SESN1: variants seen among roughly 807,000 people sequenced by gnomAD.
SESN1 encodes the protein sestrin-1.
SESN1 carries 30 observed loss-of-function variants against 59.3 expected under a neutral mutation model. That is an observed-to-expected ratio of 0.51 (90% CI 0.38 to 0.69). The LOEUF is 0.69. SESN1 is among the 30% of genes least tolerant of loss of function. SESN1 has a pLI of 0.00. For missense variants in SESN1, 566 were observed against 673.0 expected (o/e 0.84, Z 1.76); for synonymous variants, 197 against 219.9 (o/e 0.90, Z 0.92).
At chr6:109,085,693 G>A (rs543661777) in intron 1 of SESN1, among the ~76,000 whole-genome samples, 14 of 152,296 alleles carry the variant, frequency 9.2e-5, no homozygotes, top group Admixed American at 5.2e-4. Flanking sequence ...GAAACAATGT[G>A]TCAAAGTAAA....
At chr6:109,048,871 C>T (rs962919030) in intron 1 of SESN1, among the ~76,000 whole-genome samples, 11 of 152,194 alleles carry the variant, frequency 7.2e-5, no homozygotes, top group African/African-American at 2.7e-4. Context: ...TGTAATCCTA[C>T]TCCAATGTGT....
At chr6:109,016,000 A>C (rs1015490935) in intron 1 of SESN1, among the ~76,000 whole-genome samples, 1 of 152,226 alleles carries the variant, frequency 6.6e-6, no homozygotes, top group East Asian at 1.9e-4. Context: ...GCATAATATT[A>C]AAAATTATCC....
chr6:108,993,309 T>C (rs1427705923), intron 6 of SESN1, among the ~76,000 whole-genome samples: 3 of 152,214 alleles, frequency 2.0e-5, no homozygotes, highest in Non-Finnish European at 4.4e-5. Context: ...ATATAATATG[T>C]AACATGATCA....
chr6:108,992,953 GA>G, intron 6 of SESN1, 54 bp from the exon 7 acceptor site: 1 of 1,182,948 alleles, frequency 8.5e-7, no homozygotes, highest in East Asian at 2.4e-5. Flanking sequence ...AGTTAAAATT[GA>G]TTTTACCCAA....
intron 5 of SESN1, among the ~76,000 whole-genome samples, chr6:108,996,700 T>C (rs1345801668): frequency 2.0e-5 from 3 of 152,168 alleles, no homozygotes; most frequent in Admixed American, 2.0e-4. Flanking sequence ...AACTCTTTTT[T>C]CTTTCCCTTT....
intron 1 of SESN1, among the ~76,000 whole-genome samples, chr6:109,021,545 C>G (rs562505692): frequency 9.0e-4 from 137 of 152,062 alleles, no homozygotes; most frequent in African/African-American, 3.3e-3. Context: ...TCAAGCAATT[C>G]TCGTGCCTCA....
chr6:109,020,518 C>T (rs971512287), intron 1 of SESN1, among the ~76,000 whole-genome samples: 1 of 152,096 alleles, frequency 6.6e-6, no homozygotes, highest in South Asian at 2.1e-4. Flanking sequence ...ACAACCATAC[C>T]ACAAATACAA....
At chr6:108,997,577 C>G (rs547447513) in intron 5 of SESN1, among the ~76,000 whole-genome samples, 1 of 152,186 alleles carries the variant, frequency 6.6e-6, no homozygotes, top group African/African-American at 2.4e-5. Flanking sequence ...TGGCATTTTA[C>G]TTCTTTAGAG....
At chr6:108,991,128 T>C (rs1174168057) in intron 7 of SESN1, among the ~76,000 whole-genome samples, 1 of 152,128 alleles carries the variant, frequency 6.6e-6, no homozygotes, top group East Asian at 1.9e-4. Flanking sequence ...GGCCTTTATG[T>C]CTTTCACTCT....
At chr6:109,070,049 C>T (rs1199366754) in intron 1 of SESN1, among the ~76,000 whole-genome samples, 2 of 152,160 alleles carry the variant, frequency 1.3e-5, no homozygotes, top group Non-Finnish European at 2.9e-5. Flanking sequence ...TATCCATGCC[C>T]CACACAAGAA....
intron 1 of SESN1, among the ~76,000 whole-genome samples, chr6:109,058,153 C>A (rs1349873139): frequency 6.6e-6 from 1 of 151,954 alleles, no homozygotes; most frequent in African/African-American, 2.4e-5. Context: ...GGTACGATCA[C>A]GGCTCACCGC....
At chr6:109,021,006 T>C (rs1338678876) in intron 1 of SESN1, among the ~76,000 whole-genome samples, 5 of 152,152 alleles carry the variant, frequency 3.3e-5, no homozygotes, top group Non-Finnish European at 7.3e-5. Flanking sequence ...GACACTTTAT[T>C]TTCTTTTTTA....
intron 1 of SESN1, among the ~76,000 whole-genome samples, chr6:109,085,050 G>GT (rs57841808): frequency 0.15 from 22,489 of 147,342 alleles, 1,915 homozygotes; most frequent in Middle Eastern, 0.24. Context: ...ATCTTTTAAA[G>GT]TTTTTTTTTC....
At chr6:108,995,919 G>C (rs1779494584) in intron 5 of SESN1, among the ~76,000 whole-genome samples, 1 of 152,102 alleles carries the variant, frequency 6.6e-6, no homozygotes, top group Non-Finnish European at 1.5e-5. Flanking sequence ...TCCACCCATT[G>C]ATCCTTCAGG....
At chr6:108,991,421 T>C (rs1779382235) in intron 7 of SESN1, among the ~76,000 whole-genome samples, 1 of 152,162 alleles carries the variant, frequency 6.6e-6, no homozygotes, top group South Asian at 2.1e-4. Context: ...TTTAAAATTA[T>C]TTGTAGAGAT....
In SESN1 at chr6:109,001,385, T is replaced by G; in HGVS notation, c.449A>C (p.His150Pro). ...TAAGAAACTTTCTAAATATTGTGGG[T>G]GGAAAACCATCACTAACGTAATGTT... is the stretch of plus-strand genomic sequence containing the variant. ...LDNITLVMVF[H>P]PQYLESFLKT... is the part of the protein sequence containing the mutation. The change falls in exon 3 of 10, where the codon CAC becomes CCC. Residue 150 changes from histidine (H) to proline (P), a missense_variant. Transcript: ENST00000436639. The G allele has an allele frequency of 6.2e-7, 1 of 1,613,860 alleles. No homozygotes were observed. Among genetic ancestry groups the G allele is most frequent in the African/African-American group, 1.3e-5 (1 of 75,012 alleles).
chr6:109,011,522 T>C (rs180992442), intron 1 of SESN1, among the ~76,000 whole-genome samples: 4 of 152,192 alleles, frequency 2.6e-5, no homozygotes, highest in African/African-American at 9.6e-5. Context: ...TTCTCTGCTA[T>C]AGAGCACTAG....
intron 1 of SESN1, among the ~76,000 whole-genome samples, chr6:109,007,820 A>G (rs1436055070): frequency 7.4e-6 from 1 of 135,026 alleles, no homozygotes; most frequent in Non-Finnish European, 1.6e-5. Flanking sequence ...TCTATGAACT[A>G]TATTTTAGAA....
rs529327587 is a variant in SESN1, at chr6:109,009,485, G to T, written c.280-7142C>A. On this transcript the variant is annotated intron_variant, in intron 1 of 9. Coordinates refer to ENST00000436639, the MANE Select transcript of SESN1 (RefSeq NM_014454.3). ...TGTCGGCGCGGGGACGGCTGCGGAC[G>T]CGCGGAGGCGGCGAGCGCTGGGCAG... 376 of 1,237,962 alleles carry T rather than the reference G, an allele frequency of 3.0e-4. 1 individual carries two copies. The African/African-American group carries it at 5.4e-3, about 18-fold the overall frequency. The allele number at this position is 1,237,962 out of a possible 1,614,324, so 76.7% of individuals were successfully genotyped here.
Sources: allele counts gnomAD v4.1 joint callset (sites outside exome capture counted in the v4.1 genomes callset), GRCh38; gene constraint gnomAD v4.1.1; transcripts MANE v1.5; gene names NCBI Gene and HGNC (gene_info 2026-07-23, HGNC 2026-07-21).